Variants in CNGB3 observed in about 807,000 individuals in gnomAD.
CNGB3 encodes cyclic nucleotide gated channel subunit beta 3, also known as cyclic nucleotide-gated channel beta-3.
A neutral mutation model predicts 92.8 loss-of-function variants in CNGB3; 86 were observed. That is an observed-to-expected ratio of 0.93 (90% CI 0.78 to 1.11). CNGB3 has a LOEUF of 1.11. Among genes scored for constraint, CNGB3 ranks in the 50% least tolerant of loss-of-function variants. The pLI is 0.00. For missense variants in CNGB3, 1,026 were observed against 956.8 expected, an observed-to-expected ratio of 1.07 and a Z score of -0.95; for synonymous variants, 333 against 332.7, an observed-to-expected ratio of 1.00 and a Z score of -0.01.
At chr8:86,599,062 G>A (rs1822235021) in intron 15 of CNGB3, among the ~76,000 whole-genome samples, 1 of 152,174 alleles carries the variant, frequency 6.6e-6, no homozygotes, top group African/African-American at 2.4e-5. Context: ...TTTGTTGCAG[G>A]AAGTCAGGGA....
rs537923160 is a variant in CNGB3, at chr8:86,653,218, G to A, written c.903+794C>T. Among the ~76,000 whole-genome samples, 31 of 151,972 alleles carry A rather than the reference G, an allele frequency of 2.0e-4. No individual in the cohort carries two copies. In the South Asian group the frequency reaches 5.6e-3, roughly 28 times the overall value. ...GTAAGAGTTTGGAATAAGCTTTATG[G>A]CATTACAAAAGTATTTATCCTCTTT... On this transcript the variant is annotated intron_variant, in intron 7 of 17. Coordinates refer to ENST00000320005, the MANE Select transcript of CNGB3 (RefSeq NM_019098.5).
At chr8:86,659,094 A>G in intron 6 of CNGB3, 2 of 766,412 alleles carry the variant, frequency 2.6e-6, no homozygotes, top group Admixed American at 2.0e-5. Flanking sequence ...GGGTTCAGCG[A>G]TCTGTTCCCT....
chr8:86,732,228 T>C (rs1390570853), intron 2 of CNGB3, among the ~76,000 whole-genome samples: 4 of 152,234 alleles, frequency 2.6e-5, no homozygotes, highest in Non-Finnish European at 4.4e-5. Flanking sequence ...CTTCGCTCTT[T>C]TAAGCGAGGG....
At chr8:86,695,032 C>T (rs1005675088) in intron 3 of CNGB3, among the ~76,000 whole-genome samples, 2 of 152,230 alleles carry the variant, frequency 1.3e-5, no homozygotes, top group African/African-American at 2.4e-5. Flanking sequence ...AACGAGACTC[C>T]GTCTGCAATC....
intron 3 of CNGB3, among the ~76,000 whole-genome samples, chr8:86,693,438 T>A (rs1824359406): frequency 8.6e-6 from 1 of 115,754 alleles, no homozygotes; most frequent in Non-Finnish European, 1.8e-5. Flanking sequence ...TATTATTATT[T>A]ATTTATTTAT....
intron 11 of CNGB3, among the ~76,000 whole-genome samples, chr8:86,632,406 A>G (rs559228905): frequency 6.6e-6 from 1 of 152,240 alleles, no homozygotes; most frequent in East Asian, 1.9e-4. Flanking sequence ...TCTGAAGTCA[A>G]TTATAACCCA....
At chr8:86,634,144 A>G (rs1823018004) in intron 10 of CNGB3, among the ~76,000 whole-genome samples, 1 of 152,220 alleles carries the variant, frequency 6.6e-6, no homozygotes, top group African/African-American at 2.4e-5. Flanking sequence ...AGAGTCCTTA[A>G]CATACTATGG....
intron 11 of CNGB3, among the ~76,000 whole-genome samples, chr8:86,631,596 A>G (rs1354088010): frequency 6.6e-6 from 1 of 152,190 alleles, no homozygotes; most frequent in Non-Finnish European, 1.5e-5. Context: ...TGCTATTTAT[A>G]TTCAAATGGA....
At chr8:86,729,015 A>G (rs1041552216) in intron 2 of CNGB3, among the ~76,000 whole-genome samples, 1 of 152,074 alleles carries the variant, frequency 6.6e-6, no homozygotes, top group African/African-American at 2.4e-5. Context: ...GGCTCAAGTG[A>G]TTCTCCCACC....
chr8:86,723,620 T>C (rs1825011310), intron 3 of CNGB3, among the ~76,000 whole-genome samples: 1 of 152,170 alleles, frequency 6.6e-6, no homozygotes, highest in South Asian at 2.1e-4. Context: ...TTCTACATGG[T>C]ATTGAACTTA....
At chr8:86,695,262 G>C (rs185865412) in intron 3 of CNGB3, among the ~76,000 whole-genome samples, 19 of 152,178 alleles carry the variant, frequency 1.2e-4, no homozygotes, top group South Asian at 2.1e-4. Context: ...GTCCAGCTTC[G>C]GCTCGGCATC....
chr8:86,671,478 A>G (rs962196489), intron 3 of CNGB3, among the ~76,000 whole-genome samples: 2 of 152,196 alleles, frequency 1.3e-5, no homozygotes, highest in African/African-American at 4.8e-5. Context: ...GACAATAAGT[A>G]TGGTGGTTTT....
intron 13 of CNGB3, among the ~76,000 whole-genome samples, chr8:86,616,247 A>T (rs1822619904): frequency 6.6e-6 from 1 of 152,204 alleles, no homozygotes; most frequent in Non-Finnish European, 1.5e-5. Flanking sequence ...TGAATTTAGC[A>T]GCTGTATATA....
rs1375804091 is a variant in CNGB3, at chr8:86,712,048, T to C, written c.338+14483A>G. On this transcript the variant is annotated intron_variant, in intron 3 of 17. Transcript: ENST00000320005. ...CAATTAAAGTACACTGTGCTTCTGG[T>C]ATTGAATTTTGAAAAAGAGAAAATG... Among the ~76,000 whole-genome samples the C allele has an allele frequency of 2.6e-5, 4 of 151,998 alleles. No individual in the cohort carries two copies. In the East Asian group the frequency reaches 7.7e-4, roughly 29 times the overall value.
intron 3 of CNGB3, among the ~76,000 whole-genome samples, chr8:86,673,955 C>T (rs1823915724): frequency 6.6e-6 from 1 of 152,030 alleles, no homozygotes; most frequent in East Asian, 1.9e-4. Flanking sequence ...TGTATAACAC[C>T]ATCATAGACT....
chr8:86,679,370 C>G (rs1230586076), intron 3 of CNGB3, among the ~76,000 whole-genome samples: 1 of 151,850 alleles, frequency 6.6e-6, no homozygotes, highest in Non-Finnish European at 1.5e-5. Flanking sequence ...ATTTTGTTCC[C>G]CCAAAATTCA....
At chr8:86,723,074 G>T (rs1224473580) in intron 3 of CNGB3, among the ~76,000 whole-genome samples, 3 of 151,892 alleles carry the variant, frequency 2.0e-5, no homozygotes, top group Non-Finnish European at 4.4e-5. Flanking sequence ...ATTCCTCTTG[G>T]TGTTCACTTC....
chr8:86,673,581 A>T (rs1485892687), intron 3 of CNGB3, among the ~76,000 whole-genome samples: 1 of 152,208 alleles, frequency 6.6e-6, no homozygotes, highest in African/African-American at 2.4e-5. Flanking sequence ...TATTAAGCAG[A>T]CGAAAGGCCT....
chr8:86,607,728 A>C (rs916152032), intron 14 of CNGB3, among the ~76,000 whole-genome samples: 1 of 152,202 alleles, frequency 6.6e-6, no homozygotes, highest in Non-Finnish European at 1.5e-5. Flanking sequence ...CCACTCTTTC[A>C]ACCAGCCCAA....
Sources: allele counts gnomAD v4.1 joint callset (sites outside exome capture counted in the v4.1 genomes callset), GRCh38; gene constraint gnomAD v4.1.1; transcripts MANE v1.5; gene names NCBI Gene and HGNC (gene_info 2026-07-23, HGNC 2026-07-21).